USP21: variants seen among roughly 807,000 people sequenced by gnomAD.
The protein encoded by USP21 is ubiquitin carboxyl-terminal hydrolase 21.
A neutral mutation model predicts 70.8 loss-of-function variants in USP21; 37 were observed. The observed-to-expected ratio is 0.52, with a 90% CI of 0.40 to 0.69. The LOEUF is 0.69. Ranked by LOEUF, USP21 falls within the 30% of genes least tolerant of loss-of-function variation. USP21 has a pLI of 0.00. For missense variants in USP21, 584 were observed against 740.8 expected (o/e 0.79, Z 2.46); for synonymous variants, 263 against 283.1 (o/e 0.93, Z 0.71).
At chr1:161,163,665 G>A in intron 8 of USP21, 46 bp downstream of exon 8, 2 of 1,320,632 alleles carry the variant, frequency 1.5e-6, no homozygotes, top group Non-Finnish European at 1.1e-6. Flanking sequence ...TGTGTGAGGG[G>A]GGTACAGGCT....
Position 161,164,776 on chromosome 1 carries a change from TAGA to T in USP21, c.1385-53_1385-51del, listed in dbSNP as rs1658386726. On this transcript the variant is annotated intron_variant, in intron 11 of 13. Transcript: ENST00000368002. This position sits in a 1 kb window ranked among gnomAD's most constrained non-coding sequence, Gnocchi z 4.2. Reference sequence around the variant, plus strand: ...AGTGGGGAGAGGACAGCTTTCAGGATAGAAGAAGTTCCCCTCAGAGGCCCACTG... The same window carrying T: ...AGTGGGGAGAGGACAGCTTTCAGGATAGAAGTTCCCCTCAGAGGCCCACTG... 1.1e-5 allele frequency: 17 copies of T among 1,597,778 alleles called. No homozygotes were observed. Among genetic ancestry groups the T allele is most frequent in the South Asian group, 5.6e-5 (5 of 89,460 alleles).
chr1:161,163,451 GTGGATGGGGAGTAGGGCTC>G, intron 7 of USP21, 85 bp from the exon 8 acceptor site: 2 of 1,026,262 alleles, frequency 1.9e-6, no homozygotes, highest in Non-Finnish European at 1.5e-6. Flanking sequence ...GAGCAGGGGT[GTGGATGGGGAGTAGGGCTC>G]TGTAGGTTGT....
At chr1:161,159,958 C>T (rs1301618335) in intron 1 of USP21, among the ~76,000 whole-genome samples, 1 of 152,190 alleles carries the variant, frequency 6.6e-6, no homozygotes, top group Non-Finnish European at 1.5e-5. Context: ...AGTTGTTCGT[C>T]CTCCATCCCC....
rs369958242 is a variant in USP21 at position 161,162,607 on chromosome 1, C to G, written c.782-8C>G. ...CTTTGTTTGCCTTCCCCACTCCCAT[C>G]CCAACAGCCTTTGCAGATGTGATTG... On this transcript the variant is annotated splice_region_variant and splice_polypyrimidine_tract_variant and intron_variant, in intron 5 of 13. Transcript: ENST00000368002. This position sits in a 1 kb window ranked among gnomAD's most constrained non-coding sequence, Gnocchi z 4.1. The G allele has an allele frequency of 1.9e-6, 3 of 1,607,226 alleles. No individual in the cohort carries two copies. Among genetic ancestry groups the G allele is most frequent in the Non-Finnish European group, 2.6e-6 (3 of 1,173,760 alleles).
chr1:161,163,032 C>T lies in USP21; in HGVS notation c.1007C>T (p.Pro336Leu), dbSNP rs1357198951. 2 of 1,612,950 alleles carry T rather than the reference C, an allele frequency of 1.2e-6. No individual in the cohort carries two copies. Among genetic ancestry groups the T allele is most frequent in the East Asian group, 4.5e-5 (2 of 44,888 alleles). The change falls in exon 7 of 14, where the codon CCA (proline) becomes CTA (leucine). Residue 336 changes from proline to leucine, a missense_variant. Pro to Leu is a moderately conservative substitution (Grantham distance 98). Transcript: ENST00000368002. ...CTTGCCAATGGTCCAGTTCCCTCTC[C>T]ACCCCGCCGAGGAGGGGCTCTGCTA... Reference protein sequence around the residue: ...PILANGPVPSPPRRGGALLEE... With the variant: ...PILANGPVPSLPRRGGALLEE...
rs541278307 is a variant in USP21, at chr1:161,163,637, G to C, written c.1114+18G>C. The C allele has an allele frequency of 6.6e-7, 1 of 1,525,940 alleles. No homozygotes were observed. The highest frequency in any genetic ancestry group is 1.4e-5 in the African/African-American group (1 of 71,118). The allele number at this position is 1,525,940 out of a possible 1,614,324, so 94.5% of individuals were successfully genotyped here. The stretch of plus-strand genomic sequence containing the variant: ...GATTGTGGGTATGGAATGGGGCAAA[G>C]CAATGAGGGAAAATTAGTGTGTGAG... On this transcript the variant is annotated intron_variant, in intron 8 of 13. Coordinates refer to ENST00000368002, the MANE Select transcript of USP21 (RefSeq NM_001014443.3).
chr1:161,165,021 C>G lies in USP21; in HGVS notation c.1493-8C>G. The G allele has an allele frequency of 6.2e-7, 1 of 1,613,910 alleles. No homozygotes were observed. The highest frequency in any genetic ancestry group is 1.1e-5 in the South Asian group (1 of 91,070). On this transcript the variant is annotated splice_polypyrimidine_tract_variant and splice_region_variant and intron_variant, in intron 12 of 13. Coordinates refer to ENST00000368002, the MANE Select transcript of USP21 (RefSeq NM_001014443.3). ...GATTATAGAACTTGATCATCTCCAA[C>G]CCCGCAGGAAGTCCTGTATACCAGC... is the stretch of plus-strand genomic sequence containing the variant.
rs781294962 is a variant in USP21 at position 161,164,953 on chromosome 1, T to C, written c.1492+11T>C. 6.2e-7 allele frequency: 1 copy of C among 1,613,808 alleles called. No homozygotes were observed. ...CCAGTGACAAAGCCGGTGAGTCTGG[T>C]GGGGAAAGTCCTAAGGAGCCAAAGG... On this transcript the variant is annotated intron_variant, in intron 12 of 13. Transcript: ENST00000368002. This position sits in a 1 kb window ranked among gnomAD's most constrained non-coding sequence, Gnocchi z 4.2.
rs750551049 is a variant in USP21 at position 161,164,957 on chromosome 1, G to GA, written c.1492+18dup. Reference sequence around the variant, plus strand: ...TGACAAAGCCGGTGAGTCTGGTGGGGAAAGTCCTAAGGAGCCAAAGGAGTG... The same window carrying GA: ...TGACAAAGCCGGTGAGTCTGGTGGGGAAAAGTCCTAAGGAGCCAAAGGAGTG... On this transcript the variant is annotated intron_variant, in intron 12 of 13. Transcript: ENST00000368002. This position sits in a 1 kb window ranked among gnomAD's most constrained non-coding sequence, Gnocchi z 4.2. 38 of 1,613,688 alleles carry GA rather than the reference G, an allele frequency of 2.4e-5. No individual in the cohort carries two copies. The Middle Eastern group carries it at 1.2e-3, about 49-fold the overall frequency.
chr1:161,160,905 C>T lies in USP21; in HGVS notation c.265C>T (p.Pro89Ser). The T allele has an allele frequency of 6.2e-7, 1 of 1,614,242 alleles. No individual in the cohort carries two copies. The highest frequency in any genetic ancestry group is 8.5e-7 in the Non-Finnish European group (1 of 1,180,040). ...CCCCCTTCGAGCAGATCATGGGGTT[C>T]CCCTGCCTGGCTCACCACCCCCAAC... The part of the protein sequence containing the change: ...RGPLRADHGV[P>S]LPGSPPPTVA... The change falls in exon 3 of 14, where the codon CCC (proline) becomes TCC (serine). Residue 89 changes from proline to serine, a missense_variant. Coordinates refer to ENST00000368002, the MANE Select transcript of USP21 (RefSeq NM_001014443.3).
intron 7 of USP21, 83 bp from the exon 8 acceptor site, chr1:161,163,472 G>A: frequency 7.8e-7 from 1 of 1,289,288 alleles, no homozygotes; most frequent in Non-Finnish European, 1.1e-6. Flanking sequence ...GTAGGGCTCT[G>A]TAGGTTGTTT....
Position 161,162,233 on chromosome 1 carries a change from C to G in USP21, c.661-37C>G, listed in dbSNP as rs1413726358. 3.7e-6 allele frequency: 6 copies of G among 1,609,234 alleles called. No homozygotes were observed. In the South Asian group the frequency reaches 6.6e-5, roughly 18 times the overall value. On this transcript the variant is annotated intron_variant, in intron 4 of 13. Coordinates refer to ENST00000368002, the MANE Select transcript of USP21 (RefSeq NM_001014443.3). The surrounding 1 kb of genome is among the most constrained non-coding windows in gnomAD (Gnocchi z 4.1). ...CTTCTAAGGCTTCCTGGGCAGTGGT[C>G]TGGAGAGATAACAGCAGTGTCCCTA...
In USP21 at chr1:161,160,942, C is replaced by T. The variant is rs1657872622; in HGVS notation, c.302C>T (p.Pro101Leu). The T allele has an allele frequency of 6.2e-7, 1 of 1,614,132 alleles. No homozygotes were observed. The highest frequency in any genetic ancestry group is 8.5e-7 in the Non-Finnish European group (1 of 1,180,058). Residue 101 changes from proline to leucine, a missense_variant, in exon 3 of 14, where the codon CCT (proline) becomes CTT (leucine). Physicochemically the swap from Pro to Leu is moderately conservative, Grantham distance 98. Around this residue, in one of 4 missense-constraint regions of USP21, gnomAD observed 284 missense variants for 281.0 expected, o/e 1.01. Coordinates refer to ENST00000368002, the MANE Select transcript of USP21 (RefSeq NM_001014443.3). ...PGSPPPTVAL[P>L]LPSRTNLARS... ...TCACCACCCCCAACAGTGGCTTTGC[C>T]TCTCCCATCTCGGACCAACTTAGCC...
rs777822343 is a variant in USP21 at position 161,163,945 on chromosome 1, C to T, written c.1182C>T (p.Phe394=). 4 of 1,614,046 alleles carry T rather than the reference C, an allele frequency of 2.5e-6. No individual in the cohort carries two copies. Among genetic ancestry groups the T allele is most frequent in the African/African-American group, 1.3e-5 (1 of 74,914 alleles). The change falls in exon 9 of 14, where the codon TTC becomes TTT. Residue 394 remains phenylalanine, a synonymous_variant. Coordinates refer to ENST00000368002, the MANE Select transcript of USP21 (RefSeq NM_001014443.3). Reference sequence around the variant, plus strand: ...CCTGTGGGTATCGCTCCACGACCTTCGAGGTTTTTTGTGACCTGTCCCTGC... The same window carrying T: ...CCTGTGGGTATCGCTCCACGACCTTTGAGGTTTTTTGTGACCTGTCCCTGC... ...CQACGYRSTT[F]EVFCDLSLPI... is the part of the protein sequence containing the mutation.
Position 161,164,726 on chromosome 1 carries a change from C to T in USP21, c.1385-109C>T, listed in dbSNP as rs1387792718. 1 of 1,600,554 alleles carries T rather than the reference C, an allele frequency of 6.2e-7. No individual in the cohort carries two copies. Among genetic ancestry groups the T allele is most frequent in the Non-Finnish European group, 8.5e-7 (1 of 1,171,640 alleles). ...AGGAAAAGTCTGCCACCCACTTTTC[C>T]ACAAGATGCTCCCAGTGTGTCGGGA... On this transcript the variant is annotated intron_variant, in intron 11 of 13. Transcript: ENST00000368002. The surrounding 1 kb of genome is among the most constrained non-coding windows in gnomAD (Gnocchi z 4.2).
chr1:161,161,447 C>CATTT lies in USP21; in HGVS notation c.600+208_600+211dup, dbSNP rs1657925249. The stretch of plus-strand genomic sequence containing the variant: ...TTGGTGACTCTTCAGCATGGTGTGC[C>CATTT]ATTTCGGTCCCCAGGGGATTACCCC... On this transcript the variant is annotated intron_variant, in intron 3 of 13. Transcript: ENST00000368002. The surrounding 1 kb of genome is among the most constrained non-coding windows in gnomAD (Gnocchi z 4.2). 3.4e-6 allele frequency: 2 copies of CATTT among 588,324 alleles called. No homozygotes were observed. The highest frequency in any genetic ancestry group is 4.9e-5 in the South Asian group (2 of 40,524). The allele number at this position is 588,324 out of a possible 1,614,324, so 36.4% of individuals were successfully genotyped here.
In USP21 at chr1:161,160,393, T is replaced by C. The variant is rs935058194; in HGVS notation, c.-135T>C. ...ACTGGGGATACGATGGCTGATTCGA[T>C]AGATCTGGTTCCTGCCCTCAGTGCG... On this transcript the variant is annotated 5_prime_UTR_variant, in exon 2 of 14. Coordinates refer to ENST00000368002, the MANE Select transcript of USP21 (RefSeq NM_001014443.3). 2 of 574,780 alleles carry C rather than the reference T, an allele frequency of 3.5e-6. No homozygotes were observed. Among genetic ancestry groups the C allele is most frequent in the Non-Finnish European group, 6.3e-6 (2 of 314,970 alleles). The allele number at this position is 574,780 out of a possible 1,614,324, so 35.6% of individuals were successfully genotyped here. A position where few individuals can be genotyped will look rare whatever the true frequency, so the allele number is the denominator to read the frequency against.
chr1:161,163,132 C>T, intron 7 of USP21, 58 bp downstream of exon 7: 1 of 1,521,734 alleles, frequency 6.6e-7, no homozygotes, highest in Non-Finnish European at 8.9e-7. Context: ...ATTCACACTT[C>T]ATAGAACTAA....
chr1:161,162,760 G>C lies in USP21; in HGVS notation c.893+34G>C. The C allele has an allele frequency of 1.3e-6, 2 of 1,590,878 alleles. No homozygotes were observed. Among genetic ancestry groups the C allele is most frequent in the South Asian group, 2.2e-5 (2 of 90,590 alleles). ...GCTGGAGGCTATGGGATTTCTCTCT[G>C]GCCATGTCTGGGGGTAGGGCCAAGC... On this transcript the variant is annotated intron_variant, in intron 6 of 13. Transcript: ENST00000368002. The surrounding 1 kb of genome is among the most constrained non-coding windows in gnomAD (Gnocchi z 4.1).
Sources: allele counts gnomAD v4.1 joint callset (sites outside exome capture counted in the v4.1 genomes callset), GRCh38; gene constraint gnomAD v4.1.1; regional missense constraint gnomAD v4.1.1; non-coding constraint Gnocchi (gnomAD v3.1); transcripts MANE v1.5; gene names NCBI Gene and HGNC (gene_info 2026-07-23, HGNC 2026-07-21).